The following ARHGAP44 variants were observed in gnomAD, a reference collection of about 807,000 sequenced individuals.
The protein encoded by ARHGAP44 is Rho GTPase activating protein 44, also known as rho GTPase-activating protein 44.
In ARHGAP44, 43 loss-of-function variants were observed where a neutral mutation model predicts 106.8. The observed-to-expected ratio is 0.40, with a 90% confidence interval of 0.32 to 0.52. The LOEUF is 0.52. Ranked by LOEUF, ARHGAP44 falls within the 20% of genes least tolerant of loss-of-function variation. The pLI, the probability that ARHGAP44 is intolerant of heterozygous loss-of-function variation, is 0.48. For synonymous variants in ARHGAP44, 439 were observed against 410.3 expected (o/e 1.07, Z -0.85); for missense variants, 866 against 1,050.5 (o/e 0.82, Z 2.43).
At chr17:12,841,106 A>G (rs1177676874) in intron 1 of ARHGAP44, among the ~76,000 whole-genome samples, 2 of 152,156 alleles carry the variant, frequency 1.3e-5, no homozygotes, top group Non-Finnish European at 2.9e-5. Context: ...GTGCAAATAT[A>G]TAATAACCTT....
At chr17:12,903,677 A>G (rs1287003721) in intron 3 of ARHGAP44, among the ~76,000 whole-genome samples, 1 of 152,054 alleles carries the variant, frequency 6.6e-6, no homozygotes, top group Non-Finnish European at 1.5e-5. Context: ...GTGATTTCTG[A>G]TATTTTGGTG....
intron 1 of ARHGAP44, among the ~76,000 whole-genome samples, chr17:12,856,490 G>A (rs746947421): frequency 3.3e-5 from 5 of 152,092 alleles, no homozygotes; most frequent in Non-Finnish European, 5.9e-5. Flanking sequence ...GGAAAATATC[G>A]GAAGTTGGCC....
At chr17:12,973,653 C>T (rs1413418891) in intron 17 of ARHGAP44, 5 of 484,400 alleles carry the variant, frequency 1.0e-5, no homozygotes, top group South Asian at 3.0e-5. Context: ...CACGCTCCCC[C>T]CTTCGCTGCC....
At chr17:12,912,715 G>C (rs1181272649) in intron 4 of ARHGAP44, among the ~76,000 whole-genome samples, 6 of 152,166 alleles carry the variant, frequency 3.9e-5, no homozygotes, top group Non-Finnish European at 5.9e-5. Context: ...AATGCTTCCA[G>C]ACTGAGCAAA....
rs747700786 is a variant in ARHGAP44, at chr17:12,990,221, G to C, written c.*50G>C. The C allele has an allele frequency of 1.3e-6, 2 of 1,574,058 alleles. No individual in the cohort carries two copies. The highest frequency in any genetic ancestry group is 1.1e-5 in the South Asian group (1 of 88,914). Reference sequence around the variant, plus strand: ...CGTGTACATACATCACGGGCCCTAGGAACGCCGCCAGGAGCAGCGTCCATG... The same window carrying C: ...CGTGTACATACATCACGGGCCCTAGCAACGCCGCCAGGAGCAGCGTCCATG... On this transcript the variant is annotated 3_prime_UTR_variant, in exon 21 of 21. Coordinates refer to ENST00000379672, the MANE Select transcript of ARHGAP44 (RefSeq NM_014859.6).
chr17:12,810,276 T>G (rs724004), intron 1 of ARHGAP44, among the ~76,000 whole-genome samples: 151,415 of 152,334 alleles, frequency 0.99, 75,255 homozygotes, highest in East Asian at 1. Flanking sequence ...CTGCAGGATA[T>G]AAGTTTGAAA....
chr17:12,989,755 C>G (rs2040067487), intron 20 of ARHGAP44, among the ~76,000 whole-genome samples: 1 of 152,262 alleles, frequency 6.6e-6, no homozygotes, highest in East Asian at 1.9e-4. Flanking sequence ...AATAAAGGAC[C>G]CTGTGGCTTG....
intron 1 of ARHGAP44, among the ~76,000 whole-genome samples, chr17:12,802,758 T>G (rs1214336338): frequency 8.0e-6 from 1 of 124,628 alleles, no homozygotes; most frequent in African/African-American, 3.3e-5. Context: ...TATTTCTTTT[T>G]TTTTTTTTTT....
At chr17:12,928,513 C>T (rs2038309793) in intron 6 of ARHGAP44, among the ~76,000 whole-genome samples, 1 of 151,874 alleles carries the variant, frequency 6.6e-6, no homozygotes, top group Non-Finnish European at 1.5e-5. Context: ...TCATTCCATA[C>T]TGTGTGTGTG....
intron 14 of ARHGAP44, 129 bp downstream of exon 14, chr17:12,956,109 G>A (rs2039120970): frequency 3.1e-6 from 2 of 641,786 alleles, no homozygotes; most frequent in African/African-American, 3.7e-5. Context: ...TTTCTTTGTT[G>A]GCCTGCTCCT....
chr17:12,914,552 T>C (rs2037845750), intron 4 of ARHGAP44, among the ~76,000 whole-genome samples: 1 of 152,152 alleles, frequency 6.6e-6, no homozygotes, highest in Non-Finnish European at 1.5e-5. Context: ...CCCAGCACTT[T>C]GGGAGGCCGA....
rs11373135 is a variant in ARHGAP44, at chr17:12,849,594, T to TTTTTTTTG, written c.54-45346_54-45345insTTTTTTTG. Among the ~76,000 whole-genome samples the TTTTTTTTG allele has an allele frequency of 5.3e-5, 6 of 112,450 alleles. 2 individuals carry two copies. The South Asian group carries it at 1.8e-3, about 34-fold the overall frequency. 73.8% of individuals were successfully genotyped at this position (112,450 alleles called of 152,430 possible). A position where few individuals can be genotyped will look rare whatever the true frequency, so the allele number is the denominator to read the frequency against. ...TTTTTTTTTTTTTTTTTTTTTTTTT[T>TTTTTTTTG]GCTTGGCTTCAGCGTTTTCACCTTG... On this transcript the variant is annotated intron_variant, in intron 1 of 20. Transcript: ENST00000379672.
At chr17:12,972,179 G>A (rs1358348406) in intron 16 of ARHGAP44, among the ~76,000 whole-genome samples, 2 of 152,156 alleles carry the variant, frequency 1.3e-5, no homozygotes, top group Non-Finnish European at 2.9e-5. Context: ...GACAAATGCT[G>A]GTTGGGAGTA....
intron 20 of ARHGAP44, chr17:12,986,881 T>G (rs1257060749): frequency 6.6e-6 from 3 of 455,418 alleles, no homozygotes; most frequent in Non-Finnish European, 1.2e-5. Context: ...ATTCATAATG[T>G]CCCTCGCCCT....
intron 19 of ARHGAP44, among the ~76,000 whole-genome samples, chr17:12,981,400 CTTTT>C (rs113607267): frequency 6.9e-6 from 1 of 145,844 alleles, no homozygotes; most frequent in East Asian, 2.0e-4. Flanking sequence ...TTGGTTATGT[CTTTT>C]TTTTTTTTTT....
chr17:12,981,676 G>GCGTGAGCCACTGTACCCGGC (rs1345527329), intron 19 of ARHGAP44, among the ~76,000 whole-genome samples: 2 of 151,964 alleles, frequency 1.3e-5, no homozygotes, highest in East Asian at 4.0e-4. Flanking sequence ...GGGATTACAG[G>GCGTGAGCCACTGTACCCGGC]CGTGAGCCAC....
chr17:12,878,088 A>G (rs1310711394), intron 1 of ARHGAP44, among the ~76,000 whole-genome samples: 1 of 152,190 alleles, frequency 6.6e-6, no homozygotes, highest in African/African-American at 2.4e-5. Context: ...ATTTTTAGAG[A>G]TTGGGAAATG....
At chr17:12,850,325 T>C (rs867955956) in intron 1 of ARHGAP44, among the ~76,000 whole-genome samples, 4 of 152,094 alleles carry the variant, frequency 2.6e-5, no homozygotes, top group Admixed American at 1.3e-4. Flanking sequence ...TGCCTTTCTT[T>C]ACGCATTAAT....
chr17:12,960,016 T>C (rs2039219976), intron 16 of ARHGAP44, among the ~76,000 whole-genome samples: 2 of 152,012 alleles, frequency 1.3e-5, no homozygotes, highest in African/African-American at 4.8e-5. Context: ...TGAATGGGAG[T>C]TGGTATTGGA....
Sources: gnomAD v4.1 joint callset for allele counts (sites outside exome capture counted in the v4.1 genomes callset) on GRCh38, gnomAD v4.1.1 for gene constraint, MANE v1.5 for transcripts, NCBI Gene and HGNC (gene_info 2026-07-23, HGNC 2026-07-21) for gene names.